Variants in SRRM4 observed in about 807,000 individuals in gnomAD.
SRRM4 encodes serine/arginine repetitive matrix 4.
Under a neutral mutation model 68.9 loss-of-function variants are expected in SRRM4, and 33 were observed. That is an observed-to-expected ratio of 0.48 (90% CI 0.36 to 0.64). The LOEUF is 0.64. Among genes scored for constraint, SRRM4 ranks in the 30% least tolerant of loss-of-function variants. The pLI is 0.00. For missense variants in SRRM4, 817 were observed against 827.1 expected (o/e 0.99, Z 0.15); for synonymous variants, 318 against 318.8 (o/e 1.00, Z 0.03).
At chr12:119,124,652 G>C (rs564817392) in intron 6 of SRRM4, among the ~76,000 whole-genome samples, 39 of 152,258 alleles carry the variant, frequency 2.6e-4, no homozygotes, top group African/African-American at 9.1e-4. Flanking sequence ...AGTGGTAGTG[G>C]TAGTAATTGG....
intron 1 of SRRM4, among the ~76,000 whole-genome samples, chr12:119,007,465 T>G (rs903047512): frequency 6.6e-6 from 1 of 152,224 alleles, no homozygotes; most frequent in African/African-American, 2.4e-5. Flanking sequence ...ATGTTGGACA[T>G]GTTTTTTTTA....
chr12:119,023,013 G>GC (rs936669225), intron 1 of SRRM4, among the ~76,000 whole-genome samples: 2 of 152,212 alleles, frequency 1.3e-5, no homozygotes, highest in Non-Finnish European at 1.5e-5. Context: ...CTCTCTTGAA[G>GC]CCCCCCAGAA....
intron 1 of SRRM4, among the ~76,000 whole-genome samples, chr12:119,057,323 G>C (rs11064648): frequency 0.035 from 5,387 of 152,214 alleles, 146 homozygotes; most frequent in Non-Finnish European, 0.05. Context: ...GCATCCACTA[G>C]CTATTCTTCC....
intron 7 of SRRM4, 145 bp downstream of exon 7, chr12:119,125,624 G>C (rs1397386440): frequency 1.4e-6 from 1 of 697,734 alleles, no homozygotes; most frequent in Non-Finnish European, 2.3e-6. Context: ...CTTCCCTGTA[G>C]AGAAAGGGCT....
chr12:119,053,741 A>C (rs1592878642), intron 1 of SRRM4, among the ~76,000 whole-genome samples: 1 of 142,110 alleles, frequency 7.0e-6, no homozygotes, highest in East Asian at 1.9e-4. Flanking sequence ...CAAAATCCCA[A>C]CAGTAGTTTT....
intron 7 of SRRM4, among the ~76,000 whole-genome samples, chr12:119,126,461 A>C (rs1954260758): frequency 6.6e-6 from 1 of 152,220 alleles, no homozygotes; most frequent in Non-Finnish European, 1.5e-5. Context: ...TTAGCAACTA[A>C]GTGACAGTTA....
intron 1 of SRRM4, among the ~76,000 whole-genome samples, chr12:119,019,891 C>A (rs1041599884): frequency 6.6e-6 from 1 of 151,014 alleles, no homozygotes; most frequent in Non-Finnish European, 1.5e-5. Context: ...GGCTTTGAAG[C>A]CTTCATGGGA....
chr12:119,098,148 G>T (rs1039176794), intron 1 of SRRM4, among the ~76,000 whole-genome samples: 4 of 152,188 alleles, frequency 2.6e-5, no homozygotes, highest in African/African-American at 9.7e-5. Flanking sequence ...ATATGGAGAG[G>T]CCCATGTGAA....
At chr12:119,067,477 C>G (rs574664241) in intron 1 of SRRM4, among the ~76,000 whole-genome samples, 4 of 152,172 alleles carry the variant, frequency 2.6e-5, no homozygotes, top group Non-Finnish European at 4.4e-5. Flanking sequence ...GAGGCCAAGG[C>G]GGGCAGATTA....
chr12:119,103,317 A>G (rs537372000), intron 2 of SRRM4, among the ~76,000 whole-genome samples: 199 of 152,050 alleles, frequency 1.3e-3, no homozygotes, highest in African/African-American at 4.4e-3. Flanking sequence ...GTAGGTAAAC[A>G]TGTGTCATAG....
chr12:119,101,647 G>A (rs1333143866), intron 1 of SRRM4, among the ~76,000 whole-genome samples: 1 of 152,066 alleles, frequency 6.6e-6, no homozygotes, highest in Non-Finnish European at 1.5e-5. Context: ...CAGAGATGTT[G>A]TGACTGGACC....
At chr12:119,142,125 G>A (rs1954369094) in intron 8 of SRRM4, among the ~76,000 whole-genome samples, 1 of 152,212 alleles carries the variant, frequency 6.6e-6, no homozygotes, top group African/African-American at 2.4e-5. Flanking sequence ...GGGTGGGATG[G>A]TGTGGAAGAG....
At chr12:119,120,642 T>G (rs1196752456) in intron 5 of SRRM4, among the ~76,000 whole-genome samples, 1 of 152,192 alleles carries the variant, frequency 6.6e-6, no homozygotes, top group Non-Finnish European at 1.5e-5. Flanking sequence ...CAAGTCCTCG[T>G]ATACTGGACA....
rs1417444792 is a variant in SRRM4 at position 118,981,868 on chromosome 12, C to A, written c.-15C>A. The A allele has an allele frequency of 6.2e-6, 10 of 1,612,376 alleles. No homozygotes were observed. Among genetic ancestry groups the A allele is most frequent in the Non-Finnish European group, 8.5e-6 (10 of 1,179,168 alleles). On this transcript the variant is annotated 5_prime_UTR_variant, in exon 1 of 13. Transcript: ENST00000267260. ...TGGACAGCGCCCCGGACGCCCCGGC[C>A]CCTTTGGGTTGGCGATGGCGAGCGT...
intron 7 of SRRM4, among the ~76,000 whole-genome samples, chr12:119,128,711 C>A (rs1954275783): frequency 1.3e-5 from 2 of 152,186 alleles, no homozygotes; most frequent in African/African-American, 4.8e-5. Flanking sequence ...GGAATAGGCA[C>A]CAGGTTAGTG....
intron 1 of SRRM4, among the ~76,000 whole-genome samples, chr12:118,997,006 C>G (rs931642607): frequency 7.9e-5 from 12 of 152,170 alleles, no homozygotes; most frequent in African/African-American, 2.7e-4. Flanking sequence ...GTGATGGTCC[C>G]AGTCTGCACT....
In SRRM4 at chr12:119,145,364, G is replaced by C; in HGVS notation, c.772-17G>C. 1 of 1,593,468 alleles carries C rather than the reference G, an allele frequency of 6.3e-7. No homozygotes were observed. The highest frequency in any genetic ancestry group is 8.6e-7 in the Non-Finnish European group (1 of 1,169,406). On this transcript the variant is annotated splice_polypyrimidine_tract_variant and intron_variant, in intron 8 of 12. Coordinates refer to ENST00000267260, the MANE Select transcript of SRRM4 (RefSeq NM_194286.4). ...GCCCAGCGCTCAGCAGTGTCCAACGGGTCTTTTTGCTTTCAGATCACTGGG... is the reference window on the plus strand; with the variant it reads ...GCCCAGCGCTCAGCAGTGTCCAACGCGTCTTTTTGCTTTCAGATCACTGGG...
chr12:119,002,545 A>G (rs1953391394), intron 1 of SRRM4, among the ~76,000 whole-genome samples: 1 of 152,200 alleles, frequency 6.6e-6, no homozygotes, highest in South Asian at 2.1e-4. Flanking sequence ...CAGGATGAAA[A>G]TCTAATTGAT....
intron 11 of SRRM4, 33 bp downstream of exon 11, chr12:119,153,682 C>G: frequency 6.8e-7 from 1 of 1,468,620 alleles, no homozygotes; most frequent in Non-Finnish European, 9.3e-7. Context: ...TAGGCCCGTC[C>G]TAGGCCCCAC....
Sources: gnomAD v4.1 joint callset for allele counts (sites outside exome capture counted in the v4.1 genomes callset) on GRCh38, gnomAD v4.1.1 for gene constraint, MANE v1.5 for transcripts, NCBI Gene and HGNC (gene_info 2026-07-23, HGNC 2026-07-21) for gene names.